The following ADK variants were observed in gnomAD, a reference collection of about 807,000 sequenced individuals.
ADK encodes N6,N6-dimethyladenosine kinase.
Under a neutral mutation model 44.7 loss-of-function variants are expected in ADK, and 24 were observed. The ratio of observed to expected loss-of-function variants is 0.54; its 90% CI spans 0.39 to 0.76. ADK has a LOEUF of 0.76. Ranked by LOEUF, ADK falls within the 30% of genes least tolerant of loss-of-function variation. ADK has a pLI of 0.00. For missense variants in ADK, 321 were observed against 425.1 expected (o/e 0.76, Z 2.15); for synonymous variants, 128 against 142.6 (o/e 0.90, Z 0.73).
At chr10:74,465,300 A>C (rs1331486529) in intron 6 of ADK, among the ~76,000 whole-genome samples, 5 of 152,216 alleles carry the variant, frequency 3.3e-5, no homozygotes, top group Non-Finnish European at 5.9e-5. Flanking sequence ...CCAGGAGATT[A>C]ATATGGCTAG....
In ADK at chr10:74,589,262, CTT is replaced by C. The variant is rs112610475; in HGVS notation, c.727-9_727-8del. ...ACCGAGCACTTTATAATTAACTGTT[CTT>C]TTTTTTTTTTATTTCAGGAAGCTGC... is the stretch of plus-strand genomic sequence containing the variant. On this transcript the variant is annotated intron_variant, in intron 7 of 10. Coordinates refer to ENST00000539909, the MANE Select transcript of ADK (RefSeq NM_006721.4). 2.4e-4 allele frequency: 302 copies of C among 1,274,392 alleles called. No homozygotes were observed. Among genetic ancestry groups the C allele is most frequent in the Middle Eastern group, 6.0e-4 (3 of 4,960 alleles). The allele number at this position is 1,274,392 out of a possible 1,614,324, so 78.9% of individuals were successfully genotyped here.
chr10:74,249,423 A>G (rs747879333), intron 3 of ADK, among the ~76,000 whole-genome samples: 1 of 152,014 alleles, frequency 6.6e-6, no homozygotes, highest in Non-Finnish European at 1.5e-5. Context: ...CTCTGTATAT[A>G]GTTTATATCC....
chr10:74,681,590 A>C (rs1406260041), intron 10 of ADK, among the ~76,000 whole-genome samples: 1 of 152,216 alleles, frequency 6.6e-6, no homozygotes, highest in Non-Finnish European at 1.5e-5. Flanking sequence ...TCATGCCTGT[A>C]ATCTCAGCAC....
intron 3 of ADK, among the ~76,000 whole-genome samples, chr10:74,303,343 C>A (rs1250259708): frequency 2.0e-5 from 3 of 151,854 alleles, no homozygotes; most frequent in Non-Finnish European, 4.4e-5. Flanking sequence ...TTATAGTTCC[C>A]CCATTTAAGA....
At chr10:74,258,848 A>G (rs1185515992) in intron 3 of ADK, among the ~76,000 whole-genome samples, 2 of 151,784 alleles carry the variant, frequency 1.3e-5, no homozygotes. Context: ...TATTCATGTT[A>G]CTAAATGGGT....
chr10:74,445,436 T>A (rs1490479585), intron 6 of ADK, among the ~76,000 whole-genome samples: 2 of 152,006 alleles, frequency 1.3e-5, no homozygotes, highest in African/African-American at 4.8e-5. Flanking sequence ...GTATCTGATG[T>A]TATTAATAGT....
intron 7 of ADK, among the ~76,000 whole-genome samples, chr10:74,577,378 A>G (rs1416320707): frequency 6.6e-6 from 1 of 152,172 alleles, no homozygotes; most frequent in Non-Finnish European, 1.5e-5. Context: ...CATAATTACT[A>G]TGAATCAGCT....
intron 9 of ADK, among the ~76,000 whole-genome samples, chr10:74,619,585 CAT>C (rs199803317): frequency 1.3e-5 from 2 of 151,984 alleles, no homozygotes; most frequent in East Asian, 3.8e-4. Flanking sequence ...TTTTTTCTAA[CAT>C]ATTAATCATA....
intron 4 of ADK, among the ~76,000 whole-genome samples, chr10:74,342,816 T>TGTGTGTGTGTGTGTGTG (rs56148690): frequency 1.3e-4 from 19 of 151,614 alleles, no homozygotes; most frequent in South Asian, 2.1e-4. Flanking sequence ...TGTGTGTGTG[T>TGTGTGTGTGTGTGTGTG]TTTAATATTG....
chr10:74,576,680 G>A lies in ADK; in HGVS notation c.727-12602G>A, dbSNP rs555746005. 3.0e-3 allele frequency among the ~76,000 whole-genome samples: 457 copies of A among 152,194 alleles called. 5 individuals carry two copies. Among genetic ancestry groups the A allele is most frequent in the African/African-American group, 0.01 (426 of 41,538 alleles). ...TAAGTCAGATGGCTGTTAACAAAAA[G>A]TTAATTTTACATCTCATCTGTTAGC... On this transcript the variant is annotated intron_variant, in intron 7 of 10. Coordinates refer to ENST00000539909, the MANE Select transcript of ADK (RefSeq NM_006721.4).
At chr10:74,233,613 CCTT>C (rs1844859069) in intron 3 of ADK, among the ~76,000 whole-genome samples, 1 of 152,166 alleles carries the variant, frequency 6.6e-6, no homozygotes, top group South Asian at 2.1e-4. Flanking sequence ...GAAGTGTACT[CCTT>C]CTTGACATAG....
intron 1 of ADK, among the ~76,000 whole-genome samples, chr10:74,168,951 T>C (rs1282060315): frequency 1.3e-5 from 2 of 151,810 alleles, no homozygotes; most frequent in Non-Finnish European, 2.9e-5. Context: ...ATAGGACCGG[T>C]GTGGTGGCTC....
At chr10:74,174,255 A>G (rs1328050495) in intron 1 of ADK, among the ~76,000 whole-genome samples, 1 of 143,282 alleles carries the variant, frequency 7.0e-6, no homozygotes, top group Non-Finnish European at 1.5e-5. Context: ...CGGAGGTTGC[A>G]GTGAACCGAG....
intron 2 of ADK, among the ~76,000 whole-genome samples, chr10:74,223,729 A>G (rs1176297495): frequency 6.6e-6 from 1 of 152,110 alleles, no homozygotes; most frequent in Non-Finnish European, 1.5e-5. Flanking sequence ...GACCAGAGAA[A>G]CTGAGACTTA....
chr10:74,168,290 A>G (rs1338312583), intron 1 of ADK, among the ~76,000 whole-genome samples: 3 of 152,188 alleles, frequency 2.0e-5, no homozygotes, highest in Non-Finnish European at 4.4e-5. Flanking sequence ...CTGTAATCCC[A>G]GCACTTTGGG....
intron 6 of ADK, among the ~76,000 whole-genome samples, chr10:74,497,261 T>C (rs1847725674): frequency 6.6e-6 from 1 of 152,256 alleles, no homozygotes; most frequent in Non-Finnish European, 1.5e-5. Flanking sequence ...TGGGATGTGG[T>C]ACTTTTCCTT....
At chr10:74,253,281 C>CT (rs1055423270) in intron 3 of ADK, among the ~76,000 whole-genome samples, 4 of 152,300 alleles carry the variant, frequency 2.6e-5, no homozygotes, top group Admixed American at 2.6e-4. Flanking sequence ...TATTAATACC[C>CT]TTTTTTAATA....
chr10:74,577,177 A>G (rs1213682615), intron 7 of ADK, among the ~76,000 whole-genome samples: 2 of 138,426 alleles, frequency 1.4e-5, no homozygotes. Flanking sequence ...CATTTGGCCA[A>G]TTTCTTTTTC....
At chr10:74,562,500 A>G (rs939417181) in intron 7 of ADK, among the ~76,000 whole-genome samples, 10 of 152,190 alleles carry the variant, frequency 6.6e-5, no homozygotes, top group African/African-American at 1.4e-4. Context: ...TATTTCCTTC[A>G]AGGATAGTCT....
Sources: gnomAD v4.1 joint callset for allele counts (sites outside exome capture counted in the v4.1 genomes callset) on GRCh38, gnomAD v4.1.1 for gene constraint, MANE v1.5 for transcripts, NCBI Gene and HGNC (gene_info 2026-07-23, HGNC 2026-07-21) for gene names.